The following VPS50 variants were observed in gnomAD, a reference collection of about 807,000 sequenced individuals.
The protein encoded by VPS50 is syndetin.
In VPS50, 70 loss-of-function variants were observed where a neutral mutation model predicts 139.7. The observed-to-expected ratio is 0.50, with a 90% confidence interval of 0.41 to 0.61. VPS50 has a LOEUF of 0.61. Ranked by LOEUF, VPS50 falls within the 20% of genes least tolerant of loss-of-function variation. VPS50 has a pLI of 0.00. For synonymous variants in VPS50, 365 were observed against 376.7 expected (o/e 0.97, Z 0.36); for missense variants, 921 against 1,133.7 (o/e 0.81, Z 2.69).
At chr7:93,336,439 C>T (rs1245682571) in intron 22 of VPS50, among the ~76,000 whole-genome samples, 1 of 152,174 alleles carries the variant, frequency 6.6e-6, no homozygotes, top group Non-Finnish European at 1.5e-5. Flanking sequence ...GCGATAGTGA[C>T]AGCAGAAAGT....
chr7:93,350,176 GCTTA>G (rs747095210), intron 25 of VPS50, 143 bp downstream of exon 25: 10 of 526,170 alleles, frequency 1.9e-5, no homozygotes, highest in Non-Finnish European at 3.2e-5. Flanking sequence ...ATTGAAATAG[GCTTA>G]CTTTCTGAAT....
At chr7:93,330,919 A>G (rs898733084) in intron 21 of VPS50, among the ~76,000 whole-genome samples, 1 of 152,138 alleles carries the variant, frequency 6.6e-6, no homozygotes, top group Non-Finnish European at 1.5e-5. Flanking sequence ...ATAAGCTTCT[A>G]GAACTAATAA....
At chr7:93,358,275 T>A (rs1248174375) in intron 27 of VPS50, 42 bp from the exon 28 acceptor site, 13 of 1,600,014 alleles carry the variant, frequency 8.1e-6, no homozygotes, top group Non-Finnish European at 1.1e-5. Context: ...TCAGATACAT[T>A]CCTTTTAGGG....
At chr7:93,236,630 A>G (rs1794807942) in intron 1 of VPS50, among the ~76,000 whole-genome samples, 1 of 152,220 alleles carries the variant, frequency 6.6e-6, no homozygotes, top group Admixed American at 6.5e-5. Flanking sequence ...AAGTGTTAAT[A>G]AAGGCAGAGA....
intron 1 of VPS50, among the ~76,000 whole-genome samples, chr7:93,237,713 A>G (rs2116766769): frequency 6.6e-6 from 1 of 152,328 alleles, no homozygotes; most frequent in Non-Finnish European, 1.5e-5. Flanking sequence ...TATTGAGATT[A>G]TTAAATGTAT....
chr7:93,348,210 G>C (rs1798459060), intron 23 of VPS50, among the ~76,000 whole-genome samples: 1 of 152,146 alleles, frequency 6.6e-6, no homozygotes. Flanking sequence ...TCCCATTCCT[G>C]TACCCAGCCT....
chr7:93,257,673 CTA>C, intron 6 of VPS50: 1 of 382,604 alleles, frequency 2.6e-6, no homozygotes, highest in Non-Finnish European at 4.6e-6. Context: ...TAAAAAATTA[CTA>C]TTTTTATATT....
rs558944094 is a variant in VPS50 at position 93,353,140 on chromosome 7, C to A, written c.2464-500C>A. ...GCCCCAAGCATTTTAGATAAGGCAT[C>A]CTCAACCCATATCATTATTTATTTT... On this transcript the variant is annotated intron_variant, in intron 25 of 27. Transcript: ENST00000305866. 7.9e-5 allele frequency among the ~76,000 whole-genome samples: 12 copies of A among 152,212 alleles called. 1 individual carries two copies. In the South Asian group the frequency reaches 2.5e-3, roughly 32 times the overall value.
At chr7:93,290,421 T>G (rs1476840271) in intron 12 of VPS50, among the ~76,000 whole-genome samples, 2 of 151,094 alleles carry the variant, frequency 1.3e-5, no homozygotes, top group African/African-American at 4.8e-5. Flanking sequence ...GGGCATCTTT[T>G]TTTTTTTTTT....
rs560145549 is a variant in VPS50, at chr7:93,347,576, C to T, written c.2208-1135C>T. On this transcript the variant is annotated intron_variant, in intron 23 of 27. Transcript: ENST00000305866. ...CAATGGCAAAGACTTGGAACCAACC[C>T]AAATGTCCAACAATGATAGACTCGA... 1.7e-3 allele frequency among the ~76,000 whole-genome samples: 221 copies of T among 133,646 alleles called. 2 individuals carry two copies. Among genetic ancestry groups the T allele is most frequent in the African/African-American group, 6.8e-3 (213 of 31,298 alleles). 87.7% of individuals were successfully genotyped at this position (133,646 alleles called of 152,430 possible). A position where few individuals can be genotyped will look rare whatever the true frequency, so the allele number is the denominator to read the frequency against.
Position 93,289,005 on chromosome 7 carries a change from T to C in VPS50, c.943-2698T>C, listed in dbSNP as rs529729969. 2.3e-3 allele frequency among the ~76,000 whole-genome samples: 355 copies of C among 151,222 alleles called. 1 individual carries two copies. The highest frequency in any genetic ancestry group is 4.3e-3 in the Non-Finnish European group (289 of 67,750). ...TTTCAAGTACATTGGCAGCCTTGAG[T>C]TTTTTCAGGCCGGCATTGTAAGGTG... On this transcript the variant is annotated intron_variant, in intron 12 of 27. Transcript: ENST00000305866.
chr7:93,316,159 G>A lies in VPS50; in HGVS notation c.1855+4887G>A, dbSNP rs1368433628. On this transcript the variant is annotated intron_variant, in intron 20 of 27. Coordinates refer to ENST00000305866, the MANE Select transcript of VPS50 (RefSeq NM_017667.4). ...GGCATTTTGGACAGAAAGAACATGT[G>A]CAAGACATGGTGTATTCAGAGACTC... Among the ~76,000 whole-genome samples the A allele has an allele frequency of 2.6e-5, 4 of 152,160 alleles. 1 individual carries two copies. The highest frequency in any genetic ancestry group is 2.1e-4 in the South Asian group (1 of 4,830).
At chr7:93,333,450 A>G (rs572039076) in intron 21 of VPS50, among the ~76,000 whole-genome samples, 1 of 152,292 alleles carries the variant, frequency 6.6e-6, no homozygotes, top group South Asian at 2.1e-4. Flanking sequence ...CATTTTTCCA[A>G]ATGCCTTTAA....
chr7:93,262,729 G>A (rs887064254), intron 9 of VPS50, among the ~76,000 whole-genome samples: 1 of 152,208 alleles, frequency 6.6e-6, no homozygotes, highest in Admixed American at 6.5e-5. Context: ...AGTTGGAGCT[G>A]TCTGGTGGTG....
chr7:93,244,122 T>C (rs1795080179), intron 2 of VPS50, among the ~76,000 whole-genome samples: 1 of 151,924 alleles, frequency 6.6e-6, no homozygotes, highest in Non-Finnish European at 1.5e-5. Context: ...AATAAATGTC[T>C]GTTGCAGTCA....
At chr7:93,309,416 ATTATC>A (rs770644237) in intron 19 of VPS50, among the ~76,000 whole-genome samples, 1 of 152,008 alleles carries the variant, frequency 6.6e-6, no homozygotes, top group Non-Finnish European at 1.5e-5. Flanking sequence ...AAATTACTTT[ATTATC>A]TTGTTGAAAA....
At chr7:93,333,194 A>G (rs1277404511) in intron 21 of VPS50, among the ~76,000 whole-genome samples, 1 of 152,136 alleles carries the variant, frequency 6.6e-6, no homozygotes, top group Admixed American at 6.5e-5. Context: ...AAATTAGTTC[A>G]TGTTTTATTG....
At chr7:93,240,119 G>A (rs997695060) in intron 2 of VPS50, among the ~76,000 whole-genome samples, 185 bp downstream of exon 2, 29 of 151,908 alleles carry the variant, frequency 1.9e-4, no homozygotes, top group African/African-American at 6.8e-4. Flanking sequence ...GATGCAGTAT[G>A]TATGATGCAT....
intron 18 of VPS50, among the ~76,000 whole-genome samples, chr7:93,308,602 T>G (rs1797181564): frequency 6.6e-6 from 1 of 152,000 alleles, no homozygotes; most frequent in Non-Finnish European, 1.5e-5. Flanking sequence ...TTGCACATTT[T>G]CAAGCTTTTA....
Sources: allele counts gnomAD v4.1 joint callset (sites outside exome capture counted in the v4.1 genomes callset), GRCh38; gene constraint gnomAD v4.1.1; transcripts MANE v1.5; gene names NCBI Gene and HGNC (gene_info 2026-07-23, HGNC 2026-07-21).